The following KLF12 variants were observed in gnomAD, a reference collection of about 807,000 sequenced individuals.
KLF12 encodes KLF transcription factor 12.
In KLF12, 9 loss-of-function variants were observed where a neutral mutation model predicts 37.8. The observed-to-expected ratio is 0.24, with a 90% CI of 0.14 to 0.42. The LOEUF (loss-of-function observed/expected upper bound fraction) is 0.42. KLF12 is among the 10% of genes least tolerant of loss of function. The probability of loss-of-function intolerance (pLI) is 1.00; values close to 1 mark genes in which losing one functional copy is unlikely to be tolerated. For synonymous variants in KLF12, 208 were observed against 202.1 expected, an observed-to-expected ratio of 1.03 and a Z score of -0.25; for missense variants, 411 against 516.0, an observed-to-expected ratio of 0.80 and a Z score of 1.97.
Position 73,738,108 on chromosome 13 carries a change from T to TATATGTATGTGTAC in KLF12, c.870-22584_870-22583insGTACACATACATAT, listed in dbSNP as rs1566331152. 2.1e-3 allele frequency among the ~76,000 whole-genome samples: 125 copies of TATATGTATGTGTAC among 58,674 alleles called. 1 individual carries two copies. The highest frequency in any genetic ancestry group is 0.014 in the African/African-American group (118 of 8,588). 38.5% of individuals were successfully genotyped at this position (58,674 alleles called of 152,430 possible). A position where few individuals can be genotyped will look rare whatever the true frequency, so the allele number is the denominator to read the frequency against. ...GTATGTGTACATATATATATATATA[T>TATATGTATGTGTAC]ATATATATATATATATACACACACA... On this transcript the variant is annotated intron_variant, in intron 6 of 7. Coordinates refer to ENST00000377669, the MANE Select transcript of KLF12 (RefSeq NM_007249.5).
At chr13:74,179,312 T>A in the KLF12 span, among the ~76,000 whole-genome samples, 2 of 152,140 alleles carry the variant, frequency 1.3e-5, no homozygotes, top group African/African-American at 2.4e-5. Flanking sequence ...AACCATGAGG[T>A]GACTAATGTG....
the KLF12 span, among the ~76,000 whole-genome samples, chr13:74,254,798 G>A: frequency 5.9e-5 from 9 of 152,006 alleles, no homozygotes; most frequent in Non-Finnish European, 8.8e-5. Flanking sequence ...GTTTGTGTGC[G>A]TGTGTGTGTG....
chr13:74,287,349 T>TGA, the KLF12 span, among the ~76,000 whole-genome samples: 3,022 of 71,840 alleles, frequency 0.042, 151 homozygotes, highest in African/African-American at 0.066. Flanking sequence ...CTATCAAAGT[T>TGA]GAGAGAGAGA....
chr13:73,770,797 ACAGGCGTGAAC>A (rs1566356451), intron 5 of KLF12, among the ~76,000 whole-genome samples: 1 of 152,178 alleles, frequency 6.6e-6, no homozygotes, highest in Non-Finnish European at 1.5e-5. Context: ...TGCTGGGATT[ACAGGCGTGAAC>A]CACCATGCCC....
intron 1 of KLF12, among the ~76,000 whole-genome samples, chr13:74,123,875 T>G (rs996586237): frequency 4.6e-5 from 7 of 152,240 alleles, no homozygotes; most frequent in Admixed American, 4.6e-4. Flanking sequence ...TCTGCCAATT[T>G]CTAGACTTTT....
chr13:74,224,185 G>A, the KLF12 span, among the ~76,000 whole-genome samples: 1 of 152,090 alleles, frequency 6.6e-6, no homozygotes, highest in Non-Finnish European at 1.5e-5. Flanking sequence ...ATGTGTTGAT[G>A]GCTCAATGGG....
the KLF12 span, among the ~76,000 whole-genome samples, chr13:74,302,545 A>G: frequency 1.3e-5 from 2 of 152,190 alleles, no homozygotes; most frequent in African/African-American, 4.8e-5. Flanking sequence ...TAAAAGGAAG[A>G]CTGAAGAAAC....
chr13:74,072,613 T>C (rs894844884), intron 1 of KLF12, among the ~76,000 whole-genome samples: 3 of 151,648 alleles, frequency 2.0e-5, no homozygotes, highest in Non-Finnish European at 2.9e-5. Flanking sequence ...CACATGCCTA[T>C]GGTCCCAGCT....
intron 1 of KLF12, among the ~76,000 whole-genome samples, chr13:74,131,091 A>C (rs1878238896): frequency 6.6e-6 from 1 of 152,220 alleles, no homozygotes; most frequent in African/African-American, 2.4e-5. Context: ...CTCTCAGCAT[A>C]GGCCTAGAGG....
chr13:73,816,188 G>A (rs1056577983), intron 4 of KLF12, among the ~76,000 whole-genome samples: 1 of 152,148 alleles, frequency 6.6e-6, no homozygotes, highest in African/African-American at 2.4e-5. Context: ...TTTATTAAAT[G>A]TAGAATAGGG....
the KLF12 span, among the ~76,000 whole-genome samples, chr13:74,247,810 C>A: frequency 6.6e-6 from 1 of 151,902 alleles, no homozygotes; most frequent in Non-Finnish European, 1.5e-5. Flanking sequence ...GTTTTCATGT[C>A]CGTGAGATGT....
At chr13:73,774,276 A>G (rs1048762624) in intron 5 of KLF12, among the ~76,000 whole-genome samples, 29 of 121,046 alleles carry the variant, frequency 2.4e-4, no homozygotes, top group Non-Finnish European at 3.6e-4. Flanking sequence ...TACAAACTAT[A>G]TATATATACA....
chr13:74,275,407 CT>C, the KLF12 span, among the ~76,000 whole-genome samples: 1 of 152,154 alleles, frequency 6.6e-6, no homozygotes, highest in East Asian at 1.9e-4. Context: ...CCGTTATAGT[CT>C]AACTAGTTGC....
At chr13:73,760,446 A>T (rs1377722653) in intron 6 of KLF12, among the ~76,000 whole-genome samples, 4 of 152,196 alleles carry the variant, frequency 2.6e-5, no homozygotes, top group East Asian at 1.9e-4. Flanking sequence ...CCTCCTGAGT[A>T]GCTAGGACTA....
At chr13:73,836,569 T>C (rs557772380) in intron 4 of KLF12, among the ~76,000 whole-genome samples, 213 of 152,316 alleles carry the variant, frequency 1.4e-3, no homozygotes, top group Middle Eastern at 0.01. Context: ...CCAAAATAAT[T>C]CTACAAATAC....
At chr13:73,799,522 T>C (rs1882174691) in intron 5 of KLF12, among the ~76,000 whole-genome samples, 1 of 152,142 alleles carries the variant, frequency 6.6e-6, no homozygotes, top group Admixed American at 6.6e-5. Context: ...ACAAACAATT[T>C]CCAATTTTAC....
chr13:74,155,378 C>T, the KLF12 span, among the ~76,000 whole-genome samples: 140,649 of 151,560 alleles, frequency 0.93, 65,331 homozygotes, highest in East Asian at 0.99. Flanking sequence ...TGTTTTTTTT[C>T]TAGACAGGGT....
At chr13:74,225,236 A>G in the KLF12 span, among the ~76,000 whole-genome samples, 2 of 152,136 alleles carry the variant, frequency 1.3e-5, no homozygotes, top group African/African-American at 4.8e-5. Context: ...TGATATCATC[A>G]TCCTATTCCA....
chr13:73,828,828 C>G (rs1768188297), intron 4 of KLF12, among the ~76,000 whole-genome samples: 1 of 152,174 alleles, frequency 6.6e-6, no homozygotes, highest in Non-Finnish European at 1.5e-5. Flanking sequence ...TTCATTTGAA[C>G]AATACCAACT....
Sources: allele counts gnomAD v4.1 joint callset (sites outside exome capture counted in the v4.1 genomes callset), GRCh38; gene constraint gnomAD v4.1.1; transcripts MANE v1.5; gene names NCBI Gene and HGNC (gene_info 2026-07-23, HGNC 2026-07-21).